Variants in HERC2 observed in about 807,000 individuals in gnomAD.
HERC2 encodes the protein HECT and RLD domain containing E3 ubiquitin protein ligase 2.
Under a neutral mutation model 537.7 loss-of-function variants are expected in HERC2, and 102 were observed. That is an observed-to-expected ratio of 0.19 (90% CI 0.16 to 0.22). The LOEUF is 0.22. HERC2 is among the 10% of genes least tolerant of loss of function. The pLI, the probability that HERC2 is intolerant of heterozygous loss-of-function variation, is 1.00. For synonymous variants in HERC2, 2,224 were observed against 2,466.2 expected, an observed-to-expected ratio of 0.90 and a Z score of 2.91; for missense variants, 4,236 against 6,198.2, an observed-to-expected ratio of 0.68 and a Z score of 10.63.
Position 28,141,803 on chromosome 15 carries a change from A to G in HERC2, c.11744T>C (p.Met3915Thr). 5 of 1,614,150 alleles carry G rather than the reference A, an allele frequency of 3.1e-6. No individual in the cohort carries two copies. The South Asian group carries it at 5.5e-5, about 18-fold the overall frequency. Reference sequence around the variant, plus strand: ...GTCATGGCTCTCATGCAGAACATCCATGTTTTCGCTGTCTGCCATTAATTC... The same window carrying G: ...GTCATGGCTCTCATGCAGAACATCCGTGTTTTCGCTGTCTGCCATTAATTC... ...IRELMADSEN[M>T]DVLHESHDIF... Residue 3915 changes from methionine to threonine, a missense_variant, in exon 77 of 93, where the codon ATG becomes ACG. Coordinates refer to ENST00000261609, the MANE Select transcript of HERC2 (RefSeq NM_004667.6).
At position 28,131,513 on chromosome 15, in the gene HERC2, C is replaced by T. The variant is rs892191010; in HGVS notation, c.12570+587G>A. Reference sequence around the variant, plus strand: ...AGAAGCATGTGCAGGACCTGAACCACGTACCAGCCACCCATTCACAAGAGC... The same window carrying T: ...AGAAGCATGTGCAGGACCTGAACCATGTACCAGCCACCCATTCACAAGAGC... On this transcript the variant is annotated intron_variant, in intron 81 of 92. Transcript: ENST00000261609. 4.6e-4 allele frequency among the ~76,000 whole-genome samples: 70 copies of T among 152,232 alleles called. 1 individual carries two copies. The highest frequency in any genetic ancestry group is 1.5e-3 in the African/African-American group (63 of 41,466).
chr15:28,291,153 T>C (rs116557875), intron 4 of HERC2, among the ~76,000 whole-genome samples: 5 of 152,190 alleles, frequency 3.3e-5, no homozygotes, highest in African/African-American at 1.2e-4. Context: ...TGCAAGATAA[T>C]AGCATACGCA....
chr15:28,245,581 AC>A (rs1277358187), intron 23 of HERC2, among the ~76,000 whole-genome samples: 4 of 102,708 alleles, frequency 3.9e-5, no homozygotes, highest in Admixed American at 3.3e-4. Flanking sequence ...ACACACACAC[AC>A]ACACACACAC....
chr15:28,148,976 ACC>A lies in HERC2; in HGVS notation c.10901-2634_10901-2633del, dbSNP rs1892080215. 2.0e-5 allele frequency among the ~76,000 whole-genome samples: 3 copies of A among 151,876 alleles called. No homozygotes were observed. The South Asian group carries it at 6.3e-4, about 32-fold the overall frequency. On this transcript the variant is annotated intron_variant, in intron 70 of 92. Coordinates refer to ENST00000261609, the MANE Select transcript of HERC2 (RefSeq NM_004667.6). Reference sequence around the variant, plus strand: ...CACCAACATACATTCTAGTAAAATTACCAAAAAAACACACACGGCTCCTAACC... The same window carrying A: ...CACCAACATACATTCTAGTAAAATTAAAAAAAACACACACGGCTCCTAACC...
intron 2 of HERC2, among the ~76,000 whole-genome samples, chr15:28,300,052 T>TAAAAAAAAAAAAAA (rs34917808): frequency 7.9e-6 from 1 of 126,306 alleles, no homozygotes; most frequent in Non-Finnish European, 1.6e-5. Context: ...GACTCGGTGT[T>TAAAAAAAAAAAAAA]AAAAAAAAAA....
chr15:28,115,647 G>C, intron 88 of HERC2, 106 bp from the exon 89 acceptor site: 1 of 727,908 alleles, frequency 1.4e-6, no homozygotes, highest in South Asian at 1.7e-5. Context: ...AGGACTCAGA[G>C]CCTTCTGAAG....
At chr15:28,314,910 A>G (rs2077042052) in intron 2 of HERC2, among the ~76,000 whole-genome samples, 1 of 152,142 alleles carries the variant, frequency 6.6e-6, no homozygotes, top group South Asian at 2.1e-4. Context: ...ATTATCTGAC[A>G]TTCAAATTTT....
In HERC2 at chr15:28,201,563, A is replaced by G. The variant is rs375282758; in HGVS notation, c.7618-9T>C. ...ACAACAGCACCAGTAGACTGCAAGA[A>G]ATAAATACATTCAAACAAAAAAACA... On this transcript the variant is annotated splice_polypyrimidine_tract_variant and intron_variant, in intron 47 of 92. Coordinates refer to ENST00000261609, the MANE Select transcript of HERC2 (RefSeq NM_004667.6). The G allele has an allele frequency of 3.7e-5, 59 of 1,584,920 alleles. No individual in the cohort carries two copies. The highest frequency in any genetic ancestry group is 5.1e-5 in the Non-Finnish European group (59 of 1,153,966).
At chr15:28,298,245 C>T (rs1157843360) in intron 3 of HERC2, among the ~76,000 whole-genome samples, 8 of 147,842 alleles carry the variant, frequency 5.4e-5, no homozygotes, top group African/African-American at 2.0e-4. Flanking sequence ...CCTCCACCTC[C>T]CGGCTCCAAG....
chr15:28,192,283 T>C (rs1357606121), intron 52 of HERC2, 132 bp from the exon 53 acceptor site: 10 of 705,972 alleles, frequency 1.4e-5, no homozygotes, highest in Non-Finnish European at 2.1e-5. Context: ...AGTTAATAAA[T>C]GCCACAAATG....
At chr15:28,126,524 A>G (rs1646707021) in intron 83 of HERC2, among the ~76,000 whole-genome samples, 1 of 152,246 alleles carries the variant, frequency 6.6e-6, no homozygotes, top group Non-Finnish European at 1.5e-5. Context: ...AATGTGGTAT[A>G]TATACACCAT....
Position 28,125,159 on chromosome 15 carries a change from T to G in HERC2, c.12837A>C (p.Gly4279=). Residue 4279 remains glycine, a synonymous_variant, in exon 84 of 93, where the codon GGA becomes GGC. Transcript: ENST00000261609. ...CATTGGTGGTTCCGTCTCCCAGTTGTCCCTCATCATTGTCGCCCCATGTAT... is the reference window on the plus strand; with the variant it reads ...CATTGGTGGTTCCGTCTCCCAGTTGGCCCTCATCATTGTCGCCCCATGTAT... ...EVYTWGDNDE[G]QLGDGTTNAI... 1 of 1,613,848 alleles carries G rather than the reference T, an allele frequency of 6.2e-7. No homozygotes were observed. Among genetic ancestry groups the G allele is most frequent in the Non-Finnish European group, 8.5e-7 (1 of 1,179,720 alleles).
chr15:28,233,486 G>A lies in HERC2; in HGVS notation c.4427C>T (p.Ser1476Leu). ...EQVKHRTLPK[S>L]VVDVCRVVYQ... ...GACAACTCTACAAACATCCACCACTGACTTAGGCAACGTTCTGTGCTTTAC... is the reference window on the plus strand; with the variant it reads ...GACAACTCTACAAACATCCACCACTAACTTAGGCAACGTTCTGTGCTTTAC... Residue 1476 changes from serine (S) to leucine (L), a missense_variant, in exon 29 of 93, where the codon TCA becomes TTA. Physicochemically the swap from Ser to Leu is moderately radical, Grantham distance 145. Coordinates refer to ENST00000261609, the MANE Select transcript of HERC2 (RefSeq NM_004667.6). The A allele has an allele frequency of 6.7e-7, 1 of 1,491,918 alleles. No individual in the cohort carries two copies. The highest frequency in any genetic ancestry group is 9.4e-7 in the Non-Finnish European group (1 of 1,069,226). 92.4% of individuals were successfully genotyped at this position (1,491,918 alleles called of 1,614,324 possible). A position where few individuals can be genotyped will look rare whatever the true frequency, so the allele number is the denominator to read the frequency against.
In HERC2 at chr15:28,176,711, G is replaced by A. The variant is rs1555416089; in HGVS notation, c.9490C>T (p.Gln3164Ter). ...CCTTCATCGGTCAGAGCCAGGGTCT[G>A]CGCGTCTCTACTCCCACATGCAACC... Reference protein sequence around the residue: ...IQVACGSRDAQTLALTDEGLV... With the variant: ...IQVACGSRDA The change falls in exon 62 of 93, where the codon CAG becomes TAG. Residue 3164 changes from glutamine (Q) to a stop codon, truncating the protein, a stop_gained. Transcript: ENST00000261609. LOFTEE classifies it high-confidence loss of function. This position sits in a 1 kb window ranked among gnomAD's most constrained non-coding sequence, Gnocchi z 5.0. 6.2e-7 allele frequency: 1 copy of A among 1,614,038 alleles called. No homozygotes were observed. The highest frequency in any genetic ancestry group is 1.6e-4 in the Middle Eastern group (1 of 6,062).
Position 28,152,789 on chromosome 15 carries a change from C to G in HERC2, c.10788G>C (p.Glu3596Asp). ...MLLELCVTEL[E>D]DVATDSQSGR... ...CGCTCTGCGAGTCTGTGGCCACATC[C>G]TCCAACTCGGTGACACAGAGCTCCA... Residue 3596 changes from glutamate (E) to aspartate (D), a missense_variant, in exon 70 of 93, where the codon GAG becomes GAC. By Grantham distance (45) the Glu-to-Asp change is conservative (BLOSUM62 2). Transcript: ENST00000261609. The G allele has an allele frequency of 6.4e-7, 1 of 1,556,628 alleles. No homozygotes were observed. Among genetic ancestry groups the G allele is most frequent in the Non-Finnish European group, 8.7e-7 (1 of 1,149,562 alleles).
At chr15:28,166,940 G>A (rs897769752) in intron 68 of HERC2, among the ~76,000 whole-genome samples, 29 of 152,226 alleles carry the variant, frequency 1.9e-4, no homozygotes, top group Non-Finnish European at 4.3e-4. Context: ...AAGACAGGTA[G>A]GTAGGTAGGT....
At chr15:28,294,403 A>G (rs1457337771) in intron 3 of HERC2, among the ~76,000 whole-genome samples, 1 of 149,984 alleles carries the variant, frequency 6.7e-6, no homozygotes, top group Non-Finnish European at 1.5e-5. Context: ...GCTAAACACT[A>G]AGGACAAAAC....
In HERC2 at chr15:28,245,875, C is replaced by T. The variant is rs1363826715; in HGVS notation, c.3577+6G>A. 3.7e-6 allele frequency: 6 copies of T among 1,612,870 alleles called. No homozygotes were observed. In the African/African-American group the frequency reaches 6.7e-5, roughly 18 times the overall value. On this transcript the variant is annotated splice_donor_region_variant and intron_variant, in intron 23 of 92. Transcript: ENST00000261609. ...TCCTCAGTAAAACTCCTTTAAGACG[C>T]CGTACCCATTATGCCAGGCCAGGCT... is the stretch of plus-strand genomic sequence containing the variant.
At position 28,254,469 on chromosome 15, in the gene HERC2, T is replaced by C; in HGVS notation, c.2921A>G (p.Gln974Arg). 6.2e-7 allele frequency: 1 copy of C among 1,602,330 alleles called. No individual in the cohort carries two copies. The highest frequency in any genetic ancestry group is 2.2e-5 in the East Asian group (1 of 44,548). Residue 974 changes from glutamine (Q) to arginine (R), a missense_variant, in exon 20 of 93, where the codon CAG becomes CGG. This residue lies in a region of HERC2 where 754 missense variants were observed against 1,085.0 expected (regional missense o/e 0.69). Transcript: ENST00000261609. ...EAQKEKEIDE[Q>R]EANASTFHRS... ...ATGAAATGTTGAGGCATTCGCTTCC[T>C]GTTCATCAATTTCTTTTTCCTTCTG...
Sources: allele counts gnomAD v4.1 joint callset (sites outside exome capture counted in the v4.1 genomes callset), GRCh38; gene constraint gnomAD v4.1.1; regional missense constraint gnomAD v4.1.1; non-coding constraint Gnocchi (gnomAD v3.1); transcripts MANE v1.5; gene names NCBI Gene and HGNC (gene_info 2026-07-23, HGNC 2026-07-21).